The following SNX25 variants were observed in gnomAD, a reference collection of about 807,000 sequenced individuals.
SNX25 encodes sorting nexin 25, also known as sorting nexin-25.
In SNX25, 62 loss-of-function variants were observed where a neutral mutation model predicts 113.7. That is an observed-to-expected ratio of 0.55 (90% CI 0.44 to 0.67). The LOEUF (loss-of-function observed/expected upper bound fraction) is 0.67, where lower values mean the gene tolerates loss of function less well. SNX25 is among the 30% of genes least tolerant of loss of function. The pLI is 0.00. For missense variants in SNX25, 1,014 were observed against 1,161.0 expected (o/e 0.87, Z 1.84); for synonymous variants, 421 against 436.2 (o/e 0.97, Z 0.43).
chr4:185,375,737 C>T, the SNX25 span: 10 of 1,511,230 alleles, frequency 6.6e-6, no homozygotes, highest in South Asian at 1.1e-4. Context: ...CTAGAAGCAC[C>T]CAGAAGATAT....
intron 12 of SNX25, among the ~76,000 whole-genome samples, chr4:185,345,724 A>C (rs2095282423): frequency 6.6e-6 from 1 of 152,018 alleles, no homozygotes; most frequent in African/African-American, 2.4e-5. Context: ...CTGGGAGATC[A>C]AGGCTGCCAT....
At chr4:185,362,837 CTTTTTTTTT>C (rs35348535) in intron 18 of SNX25, 126 bp downstream of exon 18, 1 of 248,026 alleles carries the variant, frequency 4.0e-6, no homozygotes, top group Non-Finnish European at 7.0e-6. Flanking sequence ...TCTCCCTTGA[CTTTTTTTTT>C]TTTTTTTTTT....
chr4:185,370,048 A>C, exon 12 of SNX25: 1 of 177,162 alleles, frequency 5.6e-6, no homozygotes, highest in South Asian at 1.2e-4. Context: ...TTTTAAAAAA[A>C]ATCTAAACTT....
At position 185,363,160 on chromosome 4, in the gene SNX25, T is replaced by C. The variant is rs1304989643; in HGVS notation, c.2935-225T>C. Among the ~76,000 whole-genome samples the C allele has an allele frequency of 1.3e-5, 2 of 152,112 alleles. No individual in the cohort carries two copies. Among genetic ancestry groups the C allele is most frequent in the African/African-American group, 2.4e-5 (1 of 41,426 alleles). ...GCCCATCCTCCCTTGACTTTTGATA[T>C]CACATTGCCGCATAACTGGTTGGTT... is the stretch of plus-strand genomic sequence containing the variant. On this transcript the variant is annotated intron_variant, in intron 18 of 18. Transcript: ENST00000652585. The surrounding 1 kb of genome is among the most constrained non-coding windows in gnomAD (Gnocchi z 4.2).
intron 6 of SNX25, among the ~76,000 whole-genome samples, chr4:185,303,592 G>T (rs760015375): frequency 2.3e-4 from 35 of 149,986 alleles, no homozygotes; most frequent in Non-Finnish European, 3.7e-4. Context: ...CTGGGAGGCG[G>T]AGCTTGCAGT....
At position 185,362,055 on chromosome 4, in the gene SNX25, G is replaced by A. The variant is rs780949154; in HGVS notation, c.2783G>A (p.Ser928Asn). The part of the protein sequence containing the change: ...PPTTIRSKEQ[S>N]QETKQRAQQK... Reference sequence around the variant, plus strand: ...ACCACAATCAGAAGCAAAGAGCAAAGTCAGGAAACAAAACAGAGAGCACAG... The same window carrying A: ...ACCACAATCAGAAGCAAAGAGCAAAATCAGGAAACAAAACAGAGAGCACAG... The change falls in exon 17 of 19, where the codon AGT becomes AAT. Residue 928 changes from serine to asparagine, a missense_variant. Physicochemically the swap from Ser to Asn is conservative, Grantham distance 46 (BLOSUM62 1). Coordinates refer to ENST00000652585, the MANE Select transcript of SNX25 (RefSeq NM_001378034.2). 2.4e-5 allele frequency: 38 copies of A among 1,613,974 alleles called. No individual in the cohort carries two copies. Among genetic ancestry groups the A allele is most frequent in the Non-Finnish European group, 3.2e-5 (38 of 1,179,996 alleles).
chr4:185,262,038 C>G (rs1480338893), intron 3 of SNX25, among the ~76,000 whole-genome samples: 8 of 152,160 alleles, frequency 5.3e-5, no homozygotes, highest in Non-Finnish European at 1.2e-4. Flanking sequence ...CCCAGGTAAA[C>G]AGTGCTTTGT....
At chr4:185,243,995 A>G (rs1744464418) in intron 1 of SNX25, among the ~76,000 whole-genome samples, 1 of 151,604 alleles carries the variant, frequency 6.6e-6, no homozygotes, top group Non-Finnish European at 1.5e-5. Context: ...TTCAGGAACA[A>G]CTCCTTTCTT....
Position 185,363,614 on chromosome 4 carries a change from G to A in SNX25, c.*149G>A. The A allele has an allele frequency of 1.5e-6, 1 of 667,798 alleles. No individual in the cohort carries two copies. 41.4% of individuals were successfully genotyped at this position (667,798 alleles called of 1,614,324 possible). On this transcript the variant is annotated 3_prime_UTR_variant, in exon 19 of 19. Coordinates refer to ENST00000652585, the MANE Select transcript of SNX25 (RefSeq NM_001378034.2). The surrounding 1 kb of genome is among the most constrained non-coding windows in gnomAD (Gnocchi z 4.2). ...TTTTATGTGAAATTAGTAGAATCAG[G>A]GAGGACGGGACTTATGCTGTGGTAG...
chr4:185,345,167 A>G (rs933449269), intron 12 of SNX25, among the ~76,000 whole-genome samples: 1 of 152,172 alleles, frequency 6.6e-6, no homozygotes, highest in African/African-American at 2.4e-5. Context: ...CCTCTTTGTC[A>G]TCTTTCCTCG....
At chr4:185,376,826 T>A in the SNX25 span, 2 of 921,404 alleles carry the variant, frequency 2.2e-6, no homozygotes, top group Admixed American at 2.0e-5. Context: ...TATAACACAG[T>A]AAGAAACTCT....
the SNX25 span, chr4:185,378,335 A>C: frequency 6.9e-7 from 1 of 1,444,272 alleles, no homozygotes; most frequent in Non-Finnish European, 9.1e-7. Flanking sequence ...TAGAACACCA[A>C]CCACCAACTC....
At chr4:185,275,585 A>G (rs920449151) in intron 5 of SNX25, among the ~76,000 whole-genome samples, 1 of 152,236 alleles carries the variant, frequency 6.6e-6, no homozygotes, top group Non-Finnish European at 1.5e-5. Flanking sequence ...ATAATGTATT[A>G]AAACATGAAA....
At chr4:185,277,656 A>G (rs1749907781) in intron 5 of SNX25, among the ~76,000 whole-genome samples, 1 of 151,810 alleles carries the variant, frequency 6.6e-6, no homozygotes, top group Non-Finnish European at 1.5e-5. Context: ...CCTCACAAGC[A>G]TATGTAATAA....
chr4:185,297,027 C>T (rs1253217705), intron 6 of SNX25, among the ~76,000 whole-genome samples: 3 of 152,134 alleles, frequency 2.0e-5, no homozygotes, highest in African/African-American at 4.8e-5. Flanking sequence ...CCTGGGCTAA[C>T]GCTCCCTGTC....
intron 3 of SNX25, among the ~76,000 whole-genome samples, chr4:185,261,673 T>A (rs1306098699): frequency 6.6e-6 from 1 of 152,196 alleles, no homozygotes; most frequent in Non-Finnish European, 1.5e-5. Context: ...GGATAAAGCA[T>A]CAGAATAATA....
At chr4:185,281,329 C>T (rs1273704841) in intron 5 of SNX25, among the ~76,000 whole-genome samples, 1 of 152,060 alleles carries the variant, frequency 6.6e-6, no homozygotes, top group African/African-American at 2.4e-5. Context: ...ATTGAACTCT[C>T]ACTGCGGGGC....
At chr4:185,369,676 C>A in intron 11 of SNX25, 1 of 405,160 alleles carries the variant, frequency 2.5e-6, no homozygotes, top group Non-Finnish European at 4.8e-6. Context: ...TTTAATATGG[C>A]TTTGATGCTC....
intron 10 of SNX25, 120 bp downstream of exon 10, chr4:185,332,879 A>G (rs1348320209): frequency 9.5e-7 from 1 of 1,057,048 alleles, no homozygotes; most frequent in Non-Finnish European, 1.3e-6. Flanking sequence ...AACAAGTTCC[A>G]TTGTTATTTT....
Sources: allele counts gnomAD v4.1 joint callset (sites outside exome capture counted in the v4.1 genomes callset), GRCh38; gene constraint gnomAD v4.1.1; non-coding constraint Gnocchi (gnomAD v3.1); transcripts MANE v1.5; gene names NCBI Gene and HGNC (gene_info 2026-07-23, HGNC 2026-07-21).